The following LRBA variants were observed in gnomAD, a reference collection of about 807,000 sequenced individuals.
LRBA encodes the protein lipopolysaccharide-responsive and beige-like anchor protein.
LRBA carries 176 observed loss-of-function variants against 330.0 expected under a neutral mutation model. That is an observed-to-expected ratio of 0.53 (90% CI 0.47 to 0.60). The LOEUF is 0.60. Ranked by LOEUF, LRBA falls within the 20% of genes least tolerant of loss-of-function variation. The pLI is 0.00. For synonymous variants in LRBA, 1,230 were observed against 1,193.0 expected, an observed-to-expected ratio of 1.03 and a Z score of -0.64; for missense variants, 3,259 against 3,444.8, an observed-to-expected ratio of 0.95 and a Z score of 1.35.
At chr4:150,974,684 A>T (rs554964921) in intron 2 of LRBA, among the ~76,000 whole-genome samples, 105 of 152,250 alleles carry the variant, frequency 6.9e-4, no homozygotes, top group Non-Finnish European at 1.0e-3. Flanking sequence ...TTGTCTTTCA[A>T]GCCAGACAAA....
intron 37 of LRBA, among the ~76,000 whole-genome samples, chr4:150,635,315 G>A (rs1234903425): frequency 6.6e-6 from 1 of 152,156 alleles, no homozygotes; most frequent in African/African-American, 2.4e-5. Flanking sequence ...TTTCTCATAA[G>A]ACTGCGTTTT....
intron 34 of LRBA, among the ~76,000 whole-genome samples, chr4:150,767,491 AT>A (rs1421472319): frequency 6.6e-6 from 1 of 151,832 alleles, no homozygotes; most frequent in Non-Finnish European, 1.5e-5. Flanking sequence ...GTATTAAAAA[AT>A]TTTTTTTCTG....
At chr4:150,844,806 G>A (rs1185378955) in intron 26 of LRBA, 27 bp from the exon 27 acceptor site, 4 of 1,592,468 alleles carry the variant, frequency 2.5e-6, no homozygotes, top group South Asian at 1.1e-5. Context: ...GGAAAAGATA[G>A]GGAAAGAAAA....
At chr4:150,413,169 C>T (rs567252617) in intron 47 of LRBA, among the ~76,000 whole-genome samples, 1 of 151,860 alleles carries the variant, frequency 6.6e-6, no homozygotes, top group Admixed American at 6.6e-5. Context: ...AATGACCTAC[C>T]TACTAGAATG....
intron 2 of LRBA, among the ~76,000 whole-genome samples, chr4:151,010,025 AGAT>A (rs1744638469): frequency 6.6e-6 from 1 of 151,946 alleles, no homozygotes; most frequent in African/African-American, 2.4e-5. Context: ...AATTTTAAAG[AGAT>A]GATTTAAAGT....
chr4:150,981,686 C>G (rs906200880), intron 2 of LRBA, among the ~76,000 whole-genome samples: 1 of 152,094 alleles, frequency 6.6e-6, no homozygotes, highest in Non-Finnish European at 1.5e-5. Context: ...GGGGGCCGGA[C>G]ACGGTGGCTC....
At chr4:150,344,842 T>A (rs1402062615) in intron 48 of LRBA, among the ~76,000 whole-genome samples, 1 of 147,240 alleles carries the variant, frequency 6.8e-6, no homozygotes, top group Non-Finnish European at 1.5e-5. Context: ...TGAGCCACCA[T>A]GCCCTGCTGA....
At chr4:150,853,001 A>G in intron 22 of LRBA, 58 bp from the exon 23 acceptor site, 1 of 972,752 alleles carries the variant, frequency 1.0e-6, no homozygotes, top group Non-Finnish European at 1.5e-6. Context: ...ACAGAATACA[A>G]AATATAAAAC....
intron 29 of LRBA, among the ~76,000 whole-genome samples, chr4:150,829,437 T>C (rs868062760): frequency 6.6e-6 from 1 of 152,196 alleles, no homozygotes; most frequent in Non-Finnish European, 1.5e-5. Flanking sequence ...AAAATAGTCT[T>C]ATCAAGGTCA....
At chr4:150,627,075 A>G (rs1434359683) in intron 37 of LRBA, among the ~76,000 whole-genome samples, 1 of 152,104 alleles carries the variant, frequency 6.6e-6, no homozygotes, top group South Asian at 2.1e-4. Flanking sequence ...TTTATGCTCA[A>G]CATCTCATAT....
intron 38 of LRBA, among the ~76,000 whole-genome samples, chr4:150,591,178 T>G (rs1406442671): frequency 6.6e-6 from 1 of 152,186 alleles, no homozygotes; most frequent in Non-Finnish European, 1.5e-5. Flanking sequence ...AATTCATTAA[T>G]AGGAACAATC....
chr4:150,724,876 A>T (rs1031612791), intron 36 of LRBA, among the ~76,000 whole-genome samples: 1 of 147,344 alleles, frequency 6.8e-6, no homozygotes, highest in Admixed American at 6.9e-5. Flanking sequence ...ATATATGTAT[A>T]TATATACATA....
intron 17 of LRBA, among the ~76,000 whole-genome samples, chr4:150,890,013 A>T (rs1235921506): frequency 6.6e-6 from 1 of 152,204 alleles, no homozygotes; most frequent in Non-Finnish European, 1.5e-5. Context: ...CGAGAGCAAT[A>T]ATGGAAGGGC....
chr4:150,726,805 C>T (rs1464753194), intron 36 of LRBA, among the ~76,000 whole-genome samples: 2 of 151,988 alleles, frequency 1.3e-5, no homozygotes, highest in Non-Finnish European at 2.9e-5. Context: ...GATTACAATT[C>T]AAGATGAGAT....
At chr4:150,639,815 GTGTGTATA>G (rs1295745064) in intron 37 of LRBA, among the ~76,000 whole-genome samples, 35 of 4,872 alleles carry the variant, frequency 7.2e-3, no homozygotes, top group African/African-American at 0.013. Context: ...ATGTGTGTGT[GTGTGTATA>G]TATATATATA....
At chr4:150,830,515 A>G (rs760895043) in intron 29 of LRBA, among the ~76,000 whole-genome samples, 2 of 152,128 alleles carry the variant, frequency 1.3e-5, no homozygotes, top group African/African-American at 2.4e-5. Context: ...GAGGCACTAT[A>G]TATACTATTA....
intron 44 of LRBA, among the ~76,000 whole-genome samples, chr4:150,465,827 C>T (rs1332804426): frequency 6.6e-6 from 1 of 151,930 alleles, no homozygotes; most frequent in Non-Finnish European, 1.5e-5. Context: ...GAAACTGGTA[C>T]AATTTCTTAG....
chr4:150,346,490 G>A lies in LRBA; in HGVS notation c.7362+3502C>T, dbSNP rs377055054. 4.5e-4 allele frequency among the ~76,000 whole-genome samples: 68 copies of A among 151,916 alleles called. 1 individual carries two copies. In the East Asian group the frequency reaches 0.011, roughly 25 times the overall value. ...TAAAAACTTATCTGTGGCCGGGTGC[G>A]GTGGCTCATGCCTGTAATCCCAGCA... On this transcript the variant is annotated intron_variant, in intron 48 of 56. Transcript: ENST00000651943.
chr4:150,423,498 C>T (rs1749111836), intron 46 of LRBA: 4 of 511,616 alleles, frequency 7.8e-6, no homozygotes, highest in South Asian at 6.1e-5. Flanking sequence ...TAATTTCTTT[C>T]CATGGACCTG....
Sources: allele counts gnomAD v4.1 joint callset (sites outside exome capture counted in the v4.1 genomes callset), GRCh38; gene constraint gnomAD v4.1.1; transcripts MANE v1.5; gene names NCBI Gene and HGNC (gene_info 2026-07-23, HGNC 2026-07-21).